PI4K2A: variants seen among roughly 807,000 people sequenced by gnomAD.
PI4K2A encodes phosphatidylinositol 4-kinase type 2 alpha, also known as phosphatidylinositol 4-kinase type 2-alpha.
A neutral mutation model predicts 55.0 loss-of-function variants in PI4K2A; 20 were observed. The observed-to-expected ratio is 0.36, with a 90% CI of 0.26 to 0.53. The LOEUF is 0.53. Among genes scored for constraint, PI4K2A ranks in the 20% least tolerant of loss-of-function variants. The probability of loss-of-function intolerance (pLI) is 0.91; values close to 1 mark genes in which losing one functional copy is unlikely to be tolerated. For missense variants in PI4K2A, 463 were observed against 637.1 expected (o/e 0.73, Z 2.94); for synonymous variants, 235 against 258.5 (o/e 0.91, Z 0.87).
At chr10:97,675,148 T>A (rs1230347106) in exon 9 of PI4K2A, 4 of 152,604 alleles carry the variant, frequency 2.6e-5, no homozygotes, top group Non-Finnish European at 5.9e-5. Flanking sequence ...TCTGGCACCT[T>A]GCGATTGGTC....
intron 8 of PI4K2A, among the ~76,000 whole-genome samples, chr10:97,669,628 G>C (rs991802229): frequency 6.6e-6 from 1 of 152,166 alleles, no homozygotes; most frequent in Non-Finnish European, 1.5e-5. Context: ...GTGCTTACTT[G>C]TCTACCATTC....
intron 8 of PI4K2A, 124 bp downstream of exon 8, chr10:97,667,244 C>T: frequency 1.5e-6 from 1 of 670,542 alleles, no homozygotes; most frequent in Non-Finnish European, 2.7e-6. Flanking sequence ...GAGTCTCACT[C>T]TGTCACCCAG....
At chr10:97,661,948 T>C (rs2041586410) in intron 4 of PI4K2A, among the ~76,000 whole-genome samples, 1 of 151,538 alleles carries the variant, frequency 6.6e-6, no homozygotes, top group Non-Finnish European at 1.5e-5. Flanking sequence ...CTCCAACACT[T>C]GGCTCAAGCT....
At chr10:97,647,832 T>C (rs2041512601) in intron 1 of PI4K2A, among the ~76,000 whole-genome samples, 1 of 151,934 alleles carries the variant, frequency 6.6e-6, no homozygotes, top group Non-Finnish European at 1.5e-5. Context: ...TTATTCTCCT[T>C]ATGGTAGAAG....
chr10:97,643,976 C>T (rs1417055783), intron 1 of PI4K2A, among the ~76,000 whole-genome samples: 1 of 152,156 alleles, frequency 6.6e-6, no homozygotes, highest in Non-Finnish European at 1.5e-5. Flanking sequence ...GTGGTAGAGG[C>T]AGGATTGGGC....
intron 4 of PI4K2A, among the ~76,000 whole-genome samples, chr10:97,661,394 A>G (rs537599226): frequency 6.7e-6 from 1 of 150,312 alleles, no homozygotes; most frequent in South Asian, 2.1e-4. Flanking sequence ...TTTTTTCAGT[A>G]TAATCAGTAT....
At position 97,665,886 on chromosome 10, in the gene PI4K2A, C is replaced by T. The variant is rs538266146; in HGVS notation, c.1085-552C>T. Among the ~76,000 whole-genome samples, 106 of 152,178 alleles carry T rather than the reference C, an allele frequency of 7.0e-4. No individual in the cohort carries two copies. In the East Asian group the frequency reaches 0.011, roughly 16 times the overall value. ...GATTACAGGCATGAGCCACTGCGCCCGGCCCTTTTTTAATTTTTTAATTTG... is the reference window on the plus strand; with the variant it reads ...GATTACAGGCATGAGCCACTGCGCCTGGCCCTTTTTTAATTTTTTAATTTG... On this transcript the variant is annotated intron_variant, in intron 6 of 8. Transcript: ENST00000370631.
intron 1 of PI4K2A, among the ~76,000 whole-genome samples, chr10:97,648,276 G>C (rs1040746168): frequency 1.1e-4 from 17 of 151,792 alleles, no homozygotes; most frequent in African/African-American, 4.1e-4. Flanking sequence ...ATTTTTAGTA[G>C]AGATGGGGTT....
intron 2 of PI4K2A, among the ~76,000 whole-genome samples, chr10:97,652,619 G>A (rs1255495442): frequency 6.6e-6 from 1 of 152,100 alleles, no homozygotes; most frequent in East Asian, 1.9e-4. Flanking sequence ...GTCTTCTCAG[G>A]TTTAGATAGC....
chr10:97,645,464 C>T (rs909666706), intron 1 of PI4K2A, among the ~76,000 whole-genome samples: 6 of 151,504 alleles, frequency 4.0e-5, no homozygotes, highest in East Asian at 2.0e-4. Context: ...AAAAATTAGC[C>T]GGGCGTGGTG....
chr10:97,658,049 G>T (rs1017547541), intron 4 of PI4K2A, among the ~76,000 whole-genome samples: 3 of 152,142 alleles, frequency 2.0e-5, no homozygotes, highest in Non-Finnish European at 4.4e-5. Context: ...TGGCCAGGCT[G>T]GTCTTGAACT....
chr10:97,651,186 T>A, intron 2 of PI4K2A, 45 bp downstream of exon 2: 1 of 1,464,062 alleles, frequency 6.8e-7, no homozygotes, highest in East Asian at 2.3e-5. Context: ...GGCCACAGTT[T>A]TCCTGGGGCC....
At chr10:97,666,707 T>C (rs1358424395) in intron 7 of PI4K2A, 136 bp downstream of exon 7, 4 of 737,828 alleles carry the variant, frequency 5.4e-6, no homozygotes, top group Non-Finnish European at 8.7e-6. Flanking sequence ...AATAGCAAGA[T>C]TTCCACATGT....
At chr10:97,675,779 C>T (rs915124802) in exon 9 of PI4K2A, 5 of 152,788 alleles carry the variant, frequency 3.3e-5, no homozygotes, top group Admixed American at 2.0e-4. Context: ...CCTTTCCTGG[C>T]CTTTCTCCAC....
intron 2 of PI4K2A, among the ~76,000 whole-genome samples, chr10:97,653,114 C>G (rs1290908022): frequency 2.0e-5 from 3 of 152,224 alleles, no homozygotes; most frequent in Non-Finnish European, 4.4e-5. Context: ...AATGCTTCTA[C>G]TAGGCTCCTC....
At chr10:97,668,557 G>A (rs1352709653) in intron 8 of PI4K2A, among the ~76,000 whole-genome samples, 1 of 152,094 alleles carries the variant, frequency 6.6e-6, no homozygotes, top group African/African-American at 2.4e-5. Flanking sequence ...CAGTCTAGGG[G>A]ACAGAGTGAG....
intron 2 of PI4K2A, among the ~76,000 whole-genome samples, chr10:97,654,812 TTAAGTA>T (rs2041544640): frequency 8.7e-6 from 1 of 114,624 alleles, no homozygotes; most frequent in African/African-American, 4.3e-5. Flanking sequence ...GCAATTTGAC[TTAAGTA>T]TAATATTGAT....
chr10:97,671,732 C>T (rs971307479), intron 8 of PI4K2A, among the ~76,000 whole-genome samples: 4 of 152,018 alleles, frequency 2.6e-5, no homozygotes, highest in Non-Finnish European at 4.4e-5. Context: ...CTCCGCCTCC[C>T]GGGTTCACGT....
chr10:97,646,919 T>C (rs778865178), intron 1 of PI4K2A, among the ~76,000 whole-genome samples: 3 of 151,682 alleles, frequency 2.0e-5, no homozygotes, highest in Non-Finnish European at 4.4e-5. Flanking sequence ...GTACTACAGG[T>C]GCATGCCACC....
Sources: allele counts gnomAD v4.1 joint callset (sites outside exome capture counted in the v4.1 genomes callset), GRCh38; gene constraint gnomAD v4.1.1; transcripts MANE v1.5; gene names NCBI Gene and HGNC (gene_info 2026-07-23, HGNC 2026-07-21).